The following ATP8B1 variants were observed in gnomAD, a reference collection of about 807,000 sequenced individuals.
The protein encoded by ATP8B1 is ATPase phospholipid transporting 8B1.
Under a neutral mutation model 149.9 loss-of-function variants are expected in ATP8B1, and 80 were observed. The ratio of observed to expected loss-of-function variants is 0.53; its 90% CI spans 0.45 to 0.64. The LOEUF (loss-of-function observed/expected upper bound fraction) is 0.64, where lower values mean the gene tolerates loss of function less well. Ranked by LOEUF, ATP8B1 falls within the 30% of genes least tolerant of loss-of-function variation. ATP8B1 has a pLI of 0.00. For synonymous variants in ATP8B1, 536 were observed against 562.8 expected, an observed-to-expected ratio of 0.95 and a Z score of 0.67; for missense variants, 1,247 against 1,552.6, an observed-to-expected ratio of 0.80 and a Z score of 3.31.
chr18:57,695,742 T>C (rs1242976370), intron 8 of ATP8B1, among the ~76,000 whole-genome samples: 1 of 152,238 alleles, frequency 6.6e-6, no homozygotes, highest in Non-Finnish European at 1.5e-5. Context: ...GAAATGTTGG[T>C]TCCCTTCACT....
chr18:57,748,145 A>T (rs1167188889), intron 1 of ATP8B1, among the ~76,000 whole-genome samples: 2 of 152,186 alleles, frequency 1.3e-5, no homozygotes, highest in African/African-American at 4.8e-5. Flanking sequence ...ATGTTTTCCT[A>T]GGATGATGGT....
intron 2 of ATP8B1, among the ~76,000 whole-genome samples, chr18:57,721,684 T>A (rs1373870719): frequency 6.3e-5 from 8 of 127,454 alleles, no homozygotes; most frequent in Non-Finnish European, 1.3e-4. Context: ...ATTAGACAGA[T>A]CAACGAGACA....
chr18:57,786,625 C>T (rs1382119920), intron 1 of ATP8B1, among the ~76,000 whole-genome samples: 1 of 152,190 alleles, frequency 6.6e-6, no homozygotes, highest in Non-Finnish European at 1.5e-5. Flanking sequence ...TGAGAATGTA[C>T]AGGGAACCAC....
At chr18:57,726,485 A>T (rs943169454) in intron 2 of ATP8B1, among the ~76,000 whole-genome samples, 8 of 152,298 alleles carry the variant, frequency 5.3e-5, no homozygotes, top group Non-Finnish European at 1.2e-4. Context: ...TCATCCCAGA[A>T]CCACTCTGTA....
chr18:57,729,152 A>C (rs1391418327), intron 2 of ATP8B1, among the ~76,000 whole-genome samples: 4 of 152,180 alleles, frequency 2.6e-5, no homozygotes, highest in Non-Finnish European at 5.9e-5. Context: ...ACAGGGGATG[A>C]GAGTTTCCAC....
intron 19 of ATP8B1, chr18:57,668,026 G>A (rs1272275103): frequency 4.9e-6 from 6 of 1,230,996 alleles, no homozygotes; most frequent in Non-Finnish European, 6.3e-6. Context: ...TTATTGCCAA[G>A]CAATAAAATT....
rs56355310 is a variant in ATP8B1 at position 57,697,815 on chromosome 18, T to C, written c.607A>G (p.Lys203Glu). 2,420 of 1,614,088 alleles carry C rather than the reference T, an allele frequency of 1.5e-3. 6 individuals carry two copies. The highest frequency in any genetic ancestry group is 1.8e-3 in the Non-Finnish European group (2,170 of 1,179,986). ...EIQVGDVIRL[K>E]KNDFVPADIL... ...CTTACTGGAACAAAATCATTTTTTT[T>C]CAGACGAATGACGTCTCCAACTTGA... is the stretch of plus-strand genomic sequence containing the variant. The change falls in exon 7 of 28, where the codon AAA (lysine) becomes GAA (glutamate). Residue 203 changes from lysine (K) to glutamate (E), a missense_variant. Lys to Glu is a moderately conservative substitution (Grantham distance 56). This residue lies in a region of ATP8B1 where 853 missense variants were observed against 1,035.7 expected (regional missense o/e 0.82). Coordinates refer to ENST00000648908, the MANE Select transcript of ATP8B1 (RefSeq NM_001374385.1).
At chr18:57,699,369 A>G (rs1402136955) in intron 6 of ATP8B1, among the ~76,000 whole-genome samples, 1 of 152,236 alleles carries the variant, frequency 6.6e-6, no homozygotes, top group Non-Finnish European at 1.5e-5. Context: ...CAATTCTAGG[A>G]TTAGGAAACA....
At chr18:57,705,256 G>C (rs1204980762) in intron 3 of ATP8B1, among the ~76,000 whole-genome samples, 1 of 152,142 alleles carries the variant, frequency 6.6e-6, no homozygotes, top group African/African-American at 2.4e-5. Flanking sequence ...GAGACTGTTA[G>C]AAAACAGGGT....
chr18:57,684,447 G>T (rs898926070), intron 14 of ATP8B1, among the ~76,000 whole-genome samples: 2 of 151,826 alleles, frequency 1.3e-5, no homozygotes, highest in Admixed American at 6.6e-5. Context: ...CTTGATCTCA[G>T]TTCTCTGCAA....
At chr18:57,774,195 G>A (rs188849861) in intron 1 of ATP8B1, among the ~76,000 whole-genome samples, 452 of 150,158 alleles carry the variant, frequency 3.0e-3, no homozygotes, top group South Asian at 6.5e-3. Context: ...TAGCTCTAAT[G>A]TCACCTTTTT....
chr18:57,772,526 C>T (rs2080271901), intron 1 of ATP8B1, among the ~76,000 whole-genome samples: 1 of 152,132 alleles, frequency 6.6e-6, no homozygotes, highest in African/African-American at 2.4e-5. Flanking sequence ...GGAAAGCAGA[C>T]TGAGGCAAGG....
chr18:57,727,742 G>A (rs867098610), intron 2 of ATP8B1, among the ~76,000 whole-genome samples: 4 of 152,132 alleles, frequency 2.6e-5, no homozygotes, highest in South Asian at 2.1e-4. Context: ...AGCCGATATC[G>A]CGCCTCTGCT....
intron 1 of ATP8B1, among the ~76,000 whole-genome samples, chr18:57,796,151 G>A (rs950114059): frequency 6.6e-6 from 1 of 152,192 alleles, no homozygotes; most frequent in African/African-American, 2.4e-5. Context: ...CTGCATGACA[G>A]AGCGAGACCC....
chr18:57,718,290 C>A (rs1457475338), intron 2 of ATP8B1, among the ~76,000 whole-genome samples: 13 of 151,760 alleles, frequency 8.6e-5, no homozygotes, highest in Admixed American at 8.5e-4. Flanking sequence ...ATACATAAAA[C>A]CTACCAAGAT....
At chr18:57,677,620 T>G (rs1911677927) in intron 15 of ATP8B1, among the ~76,000 whole-genome samples, 1 of 152,172 alleles carries the variant, frequency 6.6e-6, no homozygotes, top group African/African-American at 2.4e-5. Flanking sequence ...CACTTCCTAA[T>G]TAATAATTAA....
intron 4 of ATP8B1, among the ~76,000 whole-genome samples, chr18:57,703,340 C>T (rs941086166): frequency 5.3e-5 from 8 of 152,048 alleles, no homozygotes; most frequent in Non-Finnish European, 7.4e-5. Flanking sequence ...GAGGCTGAGG[C>T]GGGTGGATCA....
rs191535023 is a variant in ATP8B1, at chr18:57,772,415, G to A, written c.-26+30583C>T. 2.6e-5 allele frequency among the ~76,000 whole-genome samples: 4 copies of A among 152,274 alleles called. No individual in the cohort carries two copies. In the East Asian group the frequency reaches 5.8e-4, roughly 22 times the overall value. On this transcript the variant is annotated intron_variant, in intron 1 of 27. Coordinates refer to ENST00000648908, the MANE Select transcript of ATP8B1 (RefSeq NM_001374385.1). Reference sequence around the variant, plus strand: ...AGGCATTTCTGGAAAGAAATCCCTGGGGGCAAATATTCTGCAGCACTGAAG... The same window carrying A: ...AGGCATTTCTGGAAAGAAATCCCTGAGGGCAAATATTCTGCAGCACTGAAG...
At chr18:57,713,215 C>CTCT (rs1913801528) in intron 2 of ATP8B1, among the ~76,000 whole-genome samples, 5 of 128,726 alleles carry the variant, frequency 3.9e-5, no homozygotes, top group Admixed American at 1.6e-4. Flanking sequence ...TTCCTTCCTT[C>CTCT]CTTCCTTCCT....
Sources: gnomAD v4.1 joint callset for allele counts (sites outside exome capture counted in the v4.1 genomes callset) on GRCh38, gnomAD v4.1.1 for gene constraint, gnomAD v4.1.1 regional missense constraint, MANE v1.5 for transcripts, NCBI Gene and HGNC (gene_info 2026-07-23, HGNC 2026-07-21) for gene names.